DOCK8: variants seen among roughly 807,000 people sequenced by gnomAD.
The protein encoded by DOCK8 is dedicator of cytokinesis protein 8.
DOCK8 carries 141 observed loss-of-function variants against 245.6 expected under a neutral mutation model. That is an observed-to-expected ratio of 0.57 (90% CI 0.50 to 0.66). DOCK8 has a LOEUF of 0.66. DOCK8 is among the 30% of genes least tolerant of loss of function. DOCK8 has a pLI of 0.00. For missense variants in DOCK8, 2,965 were observed against 2,603.4 expected (o/e 1.14, Z -3.02); for synonymous variants, 1,168 against 970.2 (o/e 1.20, Z -3.79).
intron 33 of DOCK8, 137 bp downstream of exon 33, chr9:422,272 C>A (rs909447320): frequency 1.3e-6 from 1 of 792,540 alleles, no homozygotes; most frequent in South Asian, 1.5e-5. Context: ...AAATACAATT[C>A]ATCCAGGGAC....
intron 20 of DOCK8, among the ~76,000 whole-genome samples, chr9:379,528 T>G (rs2053653550): frequency 6.6e-6 from 1 of 152,066 alleles, no homozygotes; most frequent in African/African-American, 2.4e-5. Flanking sequence ...GTCTTATGTC[T>G]TTGTCATTAA....
intron 7 of DOCK8, among the ~76,000 whole-genome samples, chr9:319,227 G>A (rs1032263971): frequency 1.1e-4 from 16 of 152,186 alleles, no homozygotes; most frequent in African/African-American, 3.9e-4. Flanking sequence ...AGGCTGCAGT[G>A]AGCTATGATC....
At chr9:311,500 A>G (rs868240605) in intron 5 of DOCK8, among the ~76,000 whole-genome samples, 1 of 146,248 alleles carries the variant, frequency 6.8e-6, no homozygotes, top group Non-Finnish European at 1.5e-5. Context: ...CAGTCCTCCC[A>G]CCTTGTCTAC....
At chr9:440,169 C>A (rs1356833263) in intron 40 of DOCK8, among the ~76,000 whole-genome samples, 3 of 152,096 alleles carry the variant, frequency 2.0e-5, no homozygotes, top group Non-Finnish European at 2.9e-5. Context: ...CAGGTGTGCA[C>A]CACCACACTC....
At chr9:313,102 G>A (rs921769066) in intron 6 of DOCK8, among the ~76,000 whole-genome samples, 1 of 152,100 alleles carries the variant, frequency 6.6e-6, no homozygotes, top group African/African-American at 2.4e-5. Flanking sequence ...GCTCACGACT[G>A]GTCAGCAAGG....
intron 12 of DOCK8, among the ~76,000 whole-genome samples, 168 bp downstream of exon 12, chr9:336,886 A>G (rs1256454419): frequency 1.3e-5 from 2 of 152,192 alleles, no homozygotes; most frequent in African/African-American, 4.8e-5. Context: ...GGTAATTTAA[A>G]AAGAAAAGGG....
At chr9:421,681 T>TGGCA in intron 32 of DOCK8, among the ~76,000 whole-genome samples, 1 of 152,312 alleles carries the variant, frequency 6.6e-6, no homozygotes, top group South Asian at 2.1e-4. Flanking sequence ...AGGGACACAG[T>TGGCA]GGCAGGGAAC....
At position 370,239 on chromosome 9, in the gene DOCK8, G is replaced by A; in HGVS notation, c.1807G>A (p.Gly603Arg). 1 of 1,613,866 alleles carries A rather than the reference G, an allele frequency of 6.2e-7. No homozygotes were observed. The highest frequency in any genetic ancestry group is 8.5e-7 in the Non-Finnish European group (1 of 1,179,764). Residue 603 changes from glycine to arginine, a missense_variant, in exon 16 of 48, where the codon GGA becomes AGA. Gly to Arg is a moderately radical substitution (Grantham distance 125, BLOSUM62 -2). Coordinates refer to ENST00000432829, the MANE Select transcript of DOCK8 (RefSeq NM_203447.4). ...DASNAMPVIF[G>R]KSSGPEFLQE... is the part of the protein sequence containing the mutation. ...CTCTACTGGTGAACAGGTCATCTTT[G>A]GAAAATCCAGCGGGCCTGAATTTCT...
chr9:364,681 A>G (rs527325956), intron 14 of DOCK8, among the ~76,000 whole-genome samples: 64 of 151,714 alleles, frequency 4.2e-4, no homozygotes, highest in African/African-American at 1.5e-3. Context: ...TAGAAGGGAA[A>G]AGGCTAAATG....
intron 10 of DOCK8, 96 bp from the exon 11 acceptor site, chr9:334,129 G>A: frequency 1.5e-6 from 2 of 1,351,412 alleles, no homozygotes; most frequent in East Asian, 2.3e-5. Flanking sequence ...TAATCAGTAG[G>A]GTTTGGATTT....
intron 35 of DOCK8, among the ~76,000 whole-genome samples, chr9:428,707 T>G (rs546123280): frequency 2.0e-5 from 3 of 152,164 alleles, no homozygotes; most frequent in Non-Finnish European, 4.4e-5. Context: ...ATATTTGAAG[T>G]GTGGACCTAA....
intron 15 of DOCK8, chr9:368,572 G>C: frequency 3.0e-6 from 1 of 331,632 alleles, no homozygotes; most frequent in Non-Finnish European, 5.6e-6. Flanking sequence ...TGAATACAAA[G>C]TACCGCCTAG....
intron 1 of DOCK8, among the ~76,000 whole-genome samples, chr9:251,757 C>T (rs1487586393): frequency 5.3e-5 from 8 of 152,034 alleles, no homozygotes; most frequent in Admixed American, 3.9e-4. Context: ...CATGGGCTAA[C>T]GATCAGACAG....
At chr9:400,460 CCAT>C (rs2054870969) in intron 26 of DOCK8, among the ~76,000 whole-genome samples, 3 of 832 alleles carry the variant, frequency 3.6e-3, no homozygotes, top group Admixed American at 0.032. Context: ...AGCATCTTCA[CCAT>C]CACCACCACC....
intron 1 of DOCK8, among the ~76,000 whole-genome samples, chr9:228,591 A>G (rs1484841694): frequency 2.6e-5 from 4 of 152,132 alleles, no homozygotes. Flanking sequence ...TCAGGGGAGC[A>G]TGGCCCTACT....
chr9:434,894 G>A lies in DOCK8; in HGVS notation c.4998G>A (p.Val1666=), dbSNP rs370901183. The A allele has an allele frequency of 1.2e-6, 2 of 1,613,928 alleles. No homozygotes were observed. Among genetic ancestry groups the A allele is most frequent in the South Asian group, 1.1e-5 (1 of 91,074 alleles). The change falls in exon 39 of 48, where the codon GTG becomes GTA. Residue 1666 remains valine, a synonymous_variant. Coordinates refer to ENST00000432829, the MANE Select transcript of DOCK8 (RefSeq NM_203447.4). ...ACACGGAGGCTGCCATGTGCCTGGT[G>A]CACGCCGCTGCGTTAGTGGCTGAGT... ...KCYTEAAMCL[V]HAAALVAEYL...
At chr9:232,900 G>T (rs1264085440) in intron 1 of DOCK8, among the ~76,000 whole-genome samples, 2 of 152,132 alleles carry the variant, frequency 1.3e-5, no homozygotes, top group South Asian at 2.1e-4. Context: ...GTTTCCTTCA[G>T]TTCTGCTCTG....
chr9:281,641 C>CCGTGTGTGTGTG (rs370850198), intron 2 of DOCK8, among the ~76,000 whole-genome samples: 3 of 150,796 alleles, frequency 2.0e-5, no homozygotes, highest in African/African-American at 7.3e-5. Context: ...GTTTGTGTGC[C>CCGTGTGTGTGTG]TGTGTGTGTG....
intron 14 of DOCK8, among the ~76,000 whole-genome samples, chr9:361,219 C>G (rs1207766041): frequency 3.3e-5 from 5 of 152,158 alleles, no homozygotes; most frequent in East Asian, 1.9e-4. Context: ...ATCAGAGAGA[C>G]ATAGAGACTG....
Sources: allele counts gnomAD v4.1 joint callset (sites outside exome capture counted in the v4.1 genomes callset), GRCh38; gene constraint gnomAD v4.1.1; transcripts MANE v1.5; gene names NCBI Gene and HGNC (gene_info 2026-07-23, HGNC 2026-07-21).